ADAMTSL1: variants seen among roughly 807,000 people sequenced by gnomAD.
The protein encoded by ADAMTSL1 is ADAMTS like 1, also known as ADAMTS-like protein 1.
A neutral mutation model predicts 201.8 loss-of-function variants in ADAMTSL1; 126 were observed. The observed-to-expected ratio is 0.62, with a 90% CI of 0.54 to 0.72. The LOEUF (loss-of-function observed/expected upper bound fraction) is 0.72, where lower values mean the gene tolerates loss of function less well. Among genes scored for constraint, ADAMTSL1 ranks in the 30% least tolerant of loss-of-function variants. The pLI, the probability that ADAMTSL1 is intolerant of heterozygous loss-of-function variation, is 0.00. For synonymous variants in ADAMTSL1, 1,121 were observed against 903.4 expected, an observed-to-expected ratio of 1.24 and a Z score of -4.32; for missense variants, 2,679 against 2,277.8, an observed-to-expected ratio of 1.18 and a Z score of -3.59.
chr9:18,514,596 T>C (rs57643385), intron 2 of ADAMTSL1, among the ~76,000 whole-genome samples: 14,958 of 152,120 alleles, frequency 0.098, 814 homozygotes, highest in Middle Eastern at 0.15. Flanking sequence ...TCCCAAAGTG[T>C]GGGGATTACA....
At chr9:18,217,889 C>T (rs1350182148) in intron 2 of ADAMTSL1, among the ~76,000 whole-genome samples, 3 of 151,592 alleles carry the variant, frequency 2.0e-5, no homozygotes, top group Admixed American at 6.6e-5. Context: ...AATGTACGTG[C>T]TGAGAAGTGA....
intron 5 of ADAMTSL1, among the ~76,000 whole-genome samples, chr9:18,635,545 A>G (rs1827057884): frequency 6.6e-6 from 1 of 152,120 alleles, no homozygotes; most frequent in Non-Finnish European, 1.5e-5. Context: ...CATCCAAGAT[A>G]CTCTGCTGGA....
intron 2 of ADAMTSL1, among the ~76,000 whole-genome samples, chr9:18,463,823 C>T (rs151241300): frequency 2.1e-3 from 313 of 152,254 alleles, no homozygotes; most frequent in Non-Finnish European, 1.4e-3. Flanking sequence ...TGAACATGGG[C>T]GTACAAATAT....
chr9:18,786,825 A>G (rs1821737803), intron 19 of ADAMTSL1, among the ~76,000 whole-genome samples: 1 of 152,228 alleles, frequency 6.6e-6, no homozygotes, highest in African/African-American at 2.4e-5. Flanking sequence ...ATCATCTCTG[A>G]GCTGATAGGA....
intron 1 of ADAMTSL1, among the ~76,000 whole-genome samples, chr9:18,048,100 T>G (rs1821755789): frequency 6.6e-6 from 1 of 152,200 alleles, no homozygotes; most frequent in South Asian, 2.1e-4. Context: ...GGAAGAGTTG[T>G]TAGATTTTTG....
At chr9:18,059,358 G>A (rs1822346483) in intron 1 of ADAMTSL1, among the ~76,000 whole-genome samples, 1 of 152,022 alleles carries the variant, frequency 6.6e-6, no homozygotes, top group African/African-American at 2.4e-5. Context: ...CATTTTTTTG[G>A]TTGAGTCATT....
intron 2 of ADAMTSL1, among the ~76,000 whole-genome samples, chr9:18,209,128 T>C (rs949910828): frequency 1.3e-5 from 2 of 152,314 alleles, no homozygotes; most frequent in East Asian, 1.9e-4. Flanking sequence ...CAAATCTGCA[T>C]TGTATAAATT....
At chr9:17,917,730 A>C (rs1017464929) in intron 1 of ADAMTSL1, among the ~76,000 whole-genome samples, 2 of 151,968 alleles carry the variant, frequency 1.3e-5, no homozygotes, top group African/African-American at 4.8e-5. Flanking sequence ...CCTTATTTTC[A>C]ACTTTCTGCA....
At chr9:18,399,794 A>T (rs1298368175) in intron 2 of ADAMTSL1, among the ~76,000 whole-genome samples, 1 of 152,212 alleles carries the variant, frequency 6.6e-6, no homozygotes, top group African/African-American at 2.4e-5. Context: ...GCTTGTTCCA[A>T]GACAAAAACC....
chr9:18,276,614 C>T (rs532357107), intron 2 of ADAMTSL1, among the ~76,000 whole-genome samples: 9 of 152,200 alleles, frequency 5.9e-5, no homozygotes, highest in Non-Finnish European at 8.8e-5. Flanking sequence ...GTACAAGAAG[C>T]GTGCTGCCAG....
At chr9:18,359,256 C>G (rs965912526) in intron 2 of ADAMTSL1, among the ~76,000 whole-genome samples, 1 of 152,132 alleles carries the variant, frequency 6.6e-6, no homozygotes, top group African/African-American at 2.4e-5. Flanking sequence ...TATCGGGGCC[C>G]TTTTGGATCC....
At chr9:18,107,150 T>C (rs973649241) in intron 1 of ADAMTSL1, among the ~76,000 whole-genome samples, 1 of 152,186 alleles carries the variant, frequency 6.6e-6, no homozygotes, top group Non-Finnish European at 1.5e-5. Flanking sequence ...ATGCCTGTCA[T>C]GAGGGTATAG....
chr9:18,504,754 C>A, intron 1 of ADAMTSL1, 75 bp from the exon 2 acceptor site: 1 of 1,604,542 alleles, frequency 6.2e-7, no homozygotes, highest in Non-Finnish European at 8.5e-7. Context: ...CACGTACAGG[C>A]CAGTCACATT....
At chr9:18,407,501 C>T (rs1261613394) in intron 2 of ADAMTSL1, among the ~76,000 whole-genome samples, 1 of 152,046 alleles carries the variant, frequency 6.6e-6, no homozygotes, top group Non-Finnish European at 1.5e-5. Flanking sequence ...TGAGTAAACC[C>T]ATGAAGAGGA....
At chr9:18,169,622 T>C (rs1827799974) in intron 2 of ADAMTSL1, among the ~76,000 whole-genome samples, 1 of 152,254 alleles carries the variant, frequency 6.6e-6, no homozygotes, top group African/African-American at 2.4e-5. Context: ...CTTTTTTAGT[T>C]CCATATGAAG....
At chr9:17,999,112 C>T (rs56406561) in intron 1 of ADAMTSL1, among the ~76,000 whole-genome samples, 18 of 152,012 alleles carry the variant, frequency 1.2e-4, no homozygotes, top group Non-Finnish European at 4.4e-5. Flanking sequence ...ACTGAATACC[C>T]ATAAAGAGAA....
intron 2 of ADAMTSL1, among the ~76,000 whole-genome samples, chr9:18,255,118 T>G (rs1831631054): frequency 6.6e-6 from 1 of 152,246 alleles, no homozygotes; most frequent in Non-Finnish European, 1.5e-5. Flanking sequence ...TGATATTGTT[T>G]GAAATCTTGT....
chr9:18,414,742 T>A (rs193183107), intron 2 of ADAMTSL1, among the ~76,000 whole-genome samples: 87 of 152,152 alleles, frequency 5.7e-4, no homozygotes, highest in African/African-American at 1.9e-3. Context: ...AAGGAGATAA[T>A]TATACAAAGA....
At chr9:18,520,309 T>C (rs73644231) in intron 2 of ADAMTSL1, among the ~76,000 whole-genome samples, 2,991 of 152,286 alleles carry the variant, frequency 0.02, 108 homozygotes, top group African/African-American at 0.069. Flanking sequence ...CTACATAATT[T>C]CTATTTATAT....
Sources: gnomAD v4.1 joint callset for allele counts (sites outside exome capture counted in the v4.1 genomes callset) on GRCh38, gnomAD v4.1.1 for gene constraint, MANE v1.5 for transcripts, NCBI Gene and HGNC (gene_info 2026-07-23, HGNC 2026-07-21) for gene names.